Variants in TMEM178B observed in about 807,000 individuals in gnomAD.
TMEM178B encodes the protein transmembrane protein 178B.
Under a neutral mutation model 31.0 loss-of-function variants are expected in TMEM178B, and 5 were observed. The ratio of observed to expected loss-of-function variants is 0.16; its 90% CI spans 0.08 to 0.34. TMEM178B has a LOEUF of 0.34. TMEM178B is among the 10% of genes least tolerant of loss of function. The pLI is 1.00. For missense variants in TMEM178B, 275 were observed against 400.3 expected (o/e 0.69, Z 2.67); for synonymous variants, 164 against 164.0 (o/e 1.00, Z 0.00).
At chr7:141,190,221 T>G (rs2129184883) in intron 1 of TMEM178B, among the ~76,000 whole-genome samples, 1 of 152,290 alleles carries the variant, frequency 6.6e-6, no homozygotes, top group Middle Eastern at 3.4e-3. Context: ...CTACCTTAAG[T>G]GTGCTCAGAA....
chr7:141,361,977 T>A (rs1799925270), intron 2 of TMEM178B, among the ~76,000 whole-genome samples: 1 of 152,230 alleles, frequency 6.6e-6, no homozygotes, highest in South Asian at 2.1e-4. Flanking sequence ...AACTCACCCT[T>A]CTTGGAAAAG....
At chr7:141,086,225 T>G (rs1794785630) in intron 1 of TMEM178B, among the ~76,000 whole-genome samples, 1 of 151,390 alleles carries the variant, frequency 6.6e-6, no homozygotes, top group African/African-American at 2.5e-5. Flanking sequence ...AGGGATGGGG[T>G]TTCACCATGT....
At chr7:141,438,379 T>C (rs1352505368) in intron 3 of TMEM178B, among the ~76,000 whole-genome samples, 2 of 152,070 alleles carry the variant, frequency 1.3e-5, no homozygotes, top group East Asian at 3.9e-4. Flanking sequence ...CCATGGGAAG[T>C]AACAGTGAGT....
rs1056830859 is a variant in TMEM178B at position 141,344,115 on chromosome 7, G to A, written c.497-93493G>A. Among the ~76,000 whole-genome samples, 2 of 152,218 alleles carry A rather than the reference G, an allele frequency of 1.3e-5. No homozygotes were observed. Among genetic ancestry groups the A allele is most frequent in the Non-Finnish European group, 2.9e-5 (2 of 68,042 alleles). On this transcript the variant is annotated intron_variant, in intron 2 of 3. Transcript: ENST00000565468. This position sits in a 1 kb window ranked among gnomAD's most constrained non-coding sequence, Gnocchi z 4.1. ...ATCTAAAATTCTCTGGAATTATTAGGTTGGTGCAAAAGTAATTGTGGTTTT... is the reference window on the plus strand; with the variant it reads ...ATCTAAAATTCTCTGGAATTATTAGATTGGTGCAAAAGTAATTGTGGTTTT...
chr7:141,314,184 A>G (rs1028856713), intron 2 of TMEM178B, among the ~76,000 whole-genome samples: 1 of 152,196 alleles, frequency 6.6e-6, no homozygotes, highest in African/African-American at 2.4e-5. Flanking sequence ...GGGAACGTTT[A>G]ACCCCTGCCA....
the TMEM178B span, among the ~76,000 whole-genome samples, chr7:141,492,944 G>C: frequency 5.3e-5 from 8 of 152,186 alleles, no homozygotes; most frequent in African/African-American, 1.9e-4. Flanking sequence ...TGATCTTAGA[G>C]GATTATTAAA....
chr7:141,144,279 G>C (rs999886019), intron 1 of TMEM178B, among the ~76,000 whole-genome samples: 1 of 152,260 alleles, frequency 6.6e-6, no homozygotes, highest in African/African-American at 2.4e-5. Context: ...ATCAGAAAAG[G>C]TATCTGTGAA....
chr7:141,406,764 G>A (rs954055273), intron 2 of TMEM178B, among the ~76,000 whole-genome samples: 4 of 152,248 alleles, frequency 2.6e-5, no homozygotes, highest in Admixed American at 6.5e-5. Flanking sequence ...CTAGACCTTC[G>A]AACGTCATCT....
chr7:141,311,195 G>C (rs1470903503), intron 2 of TMEM178B, among the ~76,000 whole-genome samples: 2 of 152,136 alleles, frequency 1.3e-5, no homozygotes, highest in African/African-American at 4.8e-5. Flanking sequence ...AATGCATGTG[G>C]GGTTGAATAC....
At chr7:141,382,846 G>A (rs1186671601) in intron 2 of TMEM178B, among the ~76,000 whole-genome samples, 1 of 152,206 alleles carries the variant, frequency 6.6e-6, no homozygotes, top group Admixed American at 6.5e-5. Flanking sequence ...CCTTAGCAAA[G>A]GGGTGTTCCT....
At chr7:141,129,920 C>G (rs1795566822) in intron 1 of TMEM178B, among the ~76,000 whole-genome samples, 1 of 152,202 alleles carries the variant, frequency 6.6e-6, no homozygotes, top group East Asian at 1.9e-4. Context: ...TTCTAAAGAC[C>G]TGGGATCAAT....
chr7:141,097,596 C>A (rs914341269), intron 1 of TMEM178B, among the ~76,000 whole-genome samples: 1 of 151,858 alleles, frequency 6.6e-6, no homozygotes. Context: ...CCCATTTTGG[C>A]CAATAGAGCG....
At chr7:141,490,388 G>A in the TMEM178B span, among the ~76,000 whole-genome samples, 54 of 152,290 alleles carry the variant, frequency 3.5e-4, no homozygotes, top group South Asian at 4.6e-3. Flanking sequence ...ACACAGAGAC[G>A]TGCACATAGG....
intron 2 of TMEM178B, among the ~76,000 whole-genome samples, chr7:141,383,553 C>A (rs570850977): frequency 1.3e-5 from 2 of 152,188 alleles, no homozygotes; most frequent in East Asian, 1.9e-4. Flanking sequence ...TGAACTCATC[C>A]TTTTTTGTGG....
At chr7:141,425,966 T>A (rs1801309293) in intron 2 of TMEM178B, among the ~76,000 whole-genome samples, 1 of 152,192 alleles carries the variant, frequency 6.6e-6, no homozygotes, top group Admixed American at 6.5e-5. Flanking sequence ...GTCTGTTGGG[T>A]TCCTAATCTG....
Position 141,212,639 on chromosome 7 carries a change from C to T in TMEM178B, c.431C>T (p.Thr144Ile). 5 of 1,536,148 alleles carry T rather than the reference C, an allele frequency of 3.3e-6. No individual in the cohort carries two copies. The highest frequency in any genetic ancestry group is 1.7e-4 in the Middle Eastern group (1 of 5,990). ...ATCAAATACCACTACTCCTCAGCAA[C>T]CATCCCCAGGAACCTCACTTTCAAT... ...TYIKYHYSSATIPRNLTFNIT... is the reference protein window; with the variant it reads ...TYIKYHYSSAIIPRNLTFNIT... The change falls in exon 2 of 4, where the codon ACC becomes ATC. Residue 144 changes from threonine to isoleucine, a missense_variant. Thr to Ile is a moderately conservative substitution (Grantham distance 89, BLOSUM62 -1). Transcript: ENST00000565468.
At chr7:141,456,070 A>G (rs942674225) in intron 3 of TMEM178B, among the ~76,000 whole-genome samples, 8 of 152,240 alleles carry the variant, frequency 5.3e-5, no homozygotes. Context: ...TCATATGCAC[A>G]TTGATGTCAA....
chr7:141,162,130 C>G (rs1034015459), intron 1 of TMEM178B, among the ~76,000 whole-genome samples: 1 of 152,212 alleles, frequency 6.6e-6, no homozygotes, highest in South Asian at 2.1e-4. Context: ...TAGGATTCCC[C>G]GTTTCCCCAC....
chr7:141,111,346 A>G (rs1276439437), intron 1 of TMEM178B, among the ~76,000 whole-genome samples: 5 of 152,190 alleles, frequency 3.3e-5, no homozygotes, highest in African/African-American at 1.2e-4. Flanking sequence ...GGTCCCTCCC[A>G]TGACACTTGA....
Sources: gnomAD v4.1 joint callset for allele counts (sites outside exome capture counted in the v4.1 genomes callset) on GRCh38, gnomAD v4.1.1 for gene constraint, Gnocchi (gnomAD v3.1) non-coding constraint, MANE v1.5 for transcripts, NCBI Gene and HGNC (gene_info 2026-07-23, HGNC 2026-07-21) for gene names.